The following LMBR1 variants were observed in gnomAD, a reference collection of about 807,000 sequenced individuals.
The protein encoded by LMBR1 is limb development membrane protein 1, also known as limb region 1 protein homolog.
LMBR1 carries 52 observed loss-of-function variants against 73.9 expected under a neutral mutation model. The ratio of observed to expected loss-of-function variants is 0.70; its 90% CI spans 0.56 to 0.89. The LOEUF (loss-of-function observed/expected upper bound fraction) is 0.89, where lower values mean the gene tolerates loss of function less well. LMBR1 is among the 40% of genes least tolerant of loss of function. The probability of loss-of-function intolerance (pLI) is 0.00; values close to 1 mark genes in which losing one functional copy is unlikely to be tolerated. For synonymous variants in LMBR1, 215 were observed against 209.4 expected (o/e 1.03, Z -0.23); for missense variants, 539 against 579.8 (o/e 0.93, Z 0.72).
chr7:156,883,323 C>T (rs771630981), intron 1 of LMBR1, among the ~76,000 whole-genome samples: 5 of 151,740 alleles, frequency 3.3e-5, no homozygotes, highest in East Asian at 1.9e-4. Context: ...TGCTTGAACT[C>T]GGGAGGCGGA....
In LMBR1 at chr7:156,792,684, T is replaced by C. The variant is rs191686472; in HGVS notation, c.423+3705A>G. Among the ~76,000 whole-genome samples the C allele has an allele frequency of 3.9e-5, 6 of 152,222 alleles. No homozygotes were observed. Among genetic ancestry groups the C allele is most frequent in the Admixed American group, 3.9e-4 (6 of 15,282 alleles). ...CTAATATGTCCTGTTTGAATTAACA[T>C]AGTGGTTTAATTAAAAACTAAGTAG... On this transcript the variant is annotated intron_variant, in intron 5 of 16. Transcript: ENST00000353442.
intron 1 of LMBR1, among the ~76,000 whole-genome samples, chr7:156,885,953 T>C (rs1279351402): frequency 6.6e-6 from 1 of 151,776 alleles, no homozygotes; most frequent in Non-Finnish European, 1.5e-5. Flanking sequence ...GGCACAAGAA[T>C]TGCTTGAACC....
intron 15 of LMBR1, among the ~76,000 whole-genome samples, chr7:156,708,048 AACT>A (rs1317876420): frequency 6.6e-6 from 1 of 152,044 alleles, no homozygotes; most frequent in Non-Finnish European, 1.5e-5. Context: ...AAAAAAAAAA[AACT>A]ACTATCTAGC....
At chr7:156,805,820 C>T (rs927993108) in intron 4 of LMBR1, among the ~76,000 whole-genome samples, 9 of 152,126 alleles carry the variant, frequency 5.9e-5, no homozygotes, top group Admixed American at 6.6e-5. Context: ...TCGTTAGAGA[C>T]AGGAGCCCTT....
At chr7:156,773,752 A>G (rs953311034) in intron 5 of LMBR1, among the ~76,000 whole-genome samples, 3 of 152,154 alleles carry the variant, frequency 2.0e-5, no homozygotes, top group African/African-American at 4.8e-5. Flanking sequence ...AAAACCCTGG[A>G]AAAAAAACCT....
At chr7:156,742,538 T>C (rs867297399) in intron 9 of LMBR1, among the ~76,000 whole-genome samples, 47 of 152,156 alleles carry the variant, frequency 3.1e-4, no homozygotes, top group Middle Eastern at 6.8e-3. Context: ...TCTAGACACA[T>C]ACAACCTACC....
chr7:156,792,320 T>A (rs1323244206), intron 5 of LMBR1, among the ~76,000 whole-genome samples: 2 of 152,216 alleles, frequency 1.3e-5, no homozygotes, highest in African/African-American at 2.4e-5. Context: ...GGAACCTTTT[T>A]ATCAGTTGAA....
intron 15 of LMBR1, among the ~76,000 whole-genome samples, chr7:156,695,877 A>AAAAAG (rs200364968): frequency 2.3e-4 from 35 of 152,160 alleles, no homozygotes; most frequent in African/African-American, 8.2e-4. Flanking sequence ...GAAAAAAAAA[A>AAAAAG]AGAGAGAGCA....
intron 15 of LMBR1, among the ~76,000 whole-genome samples, chr7:156,695,877 AAGAG>A (rs1442463604): frequency 2.0e-4 from 30 of 152,160 alleles, no homozygotes; most frequent in Non-Finnish European, 3.4e-4. Flanking sequence ...GAAAAAAAAA[AAGAG>A]AGAGCACAGA....
intron 1 of LMBR1, among the ~76,000 whole-genome samples, chr7:156,840,085 T>C (rs1037850446): frequency 1.3e-5 from 2 of 152,184 alleles, no homozygotes; most frequent in African/African-American, 2.4e-5. Context: ...GGAATTAATA[T>C]TTAGGACAGA....
Position 156,826,706 on chromosome 7 carries a change from C to G in LMBR1, c.218G>C (p.Gly73Ala). 3 of 1,611,510 alleles carry G rather than the reference C, an allele frequency of 1.9e-6. No individual in the cohort carries two copies. The highest frequency in any genetic ancestry group is 2.5e-6 in the Non-Finnish European group (3 of 1,178,618). Residue 73 changes from glycine (G) to alanine (A), a missense_variant, in exon 4 of 17, where the codon GGG becomes GCG. Coordinates refer to ENST00000353442, the MANE Select transcript of LMBR1 (RefSeq NM_022458.4). Reference protein sequence around the residue: ...LSTFTLAVSAGAVLLLPFSII... With the variant: ...LSTFTLAVSAAAVLLLPFSII... ...TGAGAAGGGTAAAAGCAAAACAGCC[C>G]CAGCTGACACTGCGAGAGTGAACGT...
At chr7:156,818,774 A>G (rs1834314625) in intron 4 of LMBR1, among the ~76,000 whole-genome samples, 1 of 152,212 alleles carries the variant, frequency 6.6e-6, no homozygotes, top group African/African-American at 2.4e-5. Flanking sequence ...ATATTTTCCT[A>G]TTAATTTTTT....
chr7:156,860,644 T>C (rs1171813477), intron 1 of LMBR1, among the ~76,000 whole-genome samples: 2 of 152,238 alleles, frequency 1.3e-5, no homozygotes, highest in African/African-American at 4.8e-5. Context: ...GGCAAGTCCC[T>C]TCTGCCTATG....
intron 4 of LMBR1, among the ~76,000 whole-genome samples, chr7:156,824,210 T>G (rs1458450030): frequency 6.6e-6 from 1 of 152,184 alleles, no homozygotes; most frequent in Non-Finnish European, 1.5e-5. Context: ...ATATTCTGTA[T>G]AGTGAGCACA....
At chr7:156,794,867 T>C (rs528231149) in intron 5 of LMBR1, among the ~76,000 whole-genome samples, 1 of 152,282 alleles carries the variant, frequency 6.6e-6, no homozygotes, top group African/African-American at 2.4e-5. Context: ...TACTCCTTTG[T>C]ACTCCTTTCC....
At position 156,854,495 on chromosome 7, in the gene LMBR1, G is replaced by A. The variant is rs948122389; in HGVS notation, c.67-17610C>T. Among the ~76,000 whole-genome samples, 6 of 152,130 alleles carry A rather than the reference G, an allele frequency of 3.9e-5. No individual in the cohort carries two copies. In the East Asian group the frequency reaches 5.8e-4, roughly 15 times the overall value. ...AAGCTTCCAGCAGGAAAAGGAAAACGTAAACATTCTGAAATATGCCCAGGG... is the reference window on the plus strand; with the variant it reads ...AAGCTTCCAGCAGGAAAAGGAAAACATAAACATTCTGAAATATGCCCAGGG... On this transcript the variant is annotated intron_variant, in intron 1 of 16. Transcript: ENST00000353442.
chr7:156,835,009 G>A (rs979193833), intron 2 of LMBR1, among the ~76,000 whole-genome samples: 4 of 151,484 alleles, frequency 2.6e-5, no homozygotes, highest in South Asian at 2.1e-4. Flanking sequence ...GTGCGGTGGC[G>A]GGCGTCTGTA....
At chr7:156,801,647 T>C (rs1369631086) in intron 4 of LMBR1, among the ~76,000 whole-genome samples, 1 of 152,072 alleles carries the variant, frequency 6.6e-6, no homozygotes, top group African/African-American at 2.4e-5. Context: ...TCCTCCCGCC[T>C]CAGCCTACCA....
intron 4 of LMBR1, among the ~76,000 whole-genome samples, chr7:156,808,281 G>A (rs1832495146): frequency 6.6e-6 from 1 of 152,016 alleles, no homozygotes. Context: ...ATGTCATTAG[G>A]CAGATATATG....
Sources: gnomAD v4.1 joint callset for allele counts (sites outside exome capture counted in the v4.1 genomes callset) on GRCh38, gnomAD v4.1.1 for gene constraint, MANE v1.5 for transcripts, NCBI Gene and HGNC (gene_info 2026-07-23, HGNC 2026-07-21) for gene names.